C4orf50: variants seen among roughly 807,000 people sequenced by gnomAD.
C4orf50 encodes chromosome 4 open reading frame 50, also known as uncharacterized protein C4orf50.
A neutral mutation model predicts 77.2 loss-of-function variants in C4orf50; 80 were observed. The ratio of observed to expected loss-of-function variants is 1.04; its 90% confidence interval spans 0.87 to 1.25. The LOEUF (loss-of-function observed/expected upper bound fraction) is 1.25. C4orf50 is among the 50% of genes most tolerant of loss of function. C4orf50 has a pLI of 0.00. For synonymous variants in C4orf50, 532 were observed against 465.3 expected, an observed-to-expected ratio of 1.14 and a Z score of -1.84; for missense variants, 1,257 against 1,152.9, an observed-to-expected ratio of 1.09 and a Z score of -1.31.
intron 31 of C4orf50, among the ~76,000 whole-genome samples, chr4:5,971,327 C>T (rs990979789): frequency 5.9e-5 from 9 of 152,230 alleles, no homozygotes; most frequent in African/African-American, 1.9e-4. Context: ...GCCAGCGCCA[C>T]GCCCACCCTG....
intron 25 of C4orf50, among the ~76,000 whole-genome samples, chr4:5,997,321 C>T (rs192282850): frequency 5.9e-5 from 9 of 152,340 alleles, no homozygotes; most frequent in African/African-American, 1.9e-4. Flanking sequence ...GCTGGTGACA[C>T]GGCCACGTAT....
chr4:5,961,797 G>T (rs935633833), intron 33 of C4orf50, among the ~76,000 whole-genome samples: 8 of 151,812 alleles, frequency 5.3e-5, no homozygotes, highest in Non-Finnish European at 2.9e-5. Context: ...GGACATGTCT[G>T]TATACTCTAA....
At chr4:5,982,862 G>T (rs1030673754) in intron 28 of C4orf50, among the ~76,000 whole-genome samples, 1 of 152,104 alleles carries the variant, frequency 6.6e-6, no homozygotes. Flanking sequence ...GCAGGGAGAG[G>T]TGGATGAAGA....
rs1042151405 is a variant in C4orf50, at chr4:6,007,354, T to G, written c.963+642A>C. Among the ~76,000 whole-genome samples the G allele has an allele frequency of 2.0e-5, 3 of 152,022 alleles. No individual in the cohort carries two copies. The East Asian group carries it at 5.8e-4, about 29-fold the overall frequency. ...TTAGGTCCTGAGGGTGGAGGCTTCA[T>G]GAATGGTATTAGTACCCTTACTAAT... On this transcript the variant is annotated intron_variant, in intron 25 of 33. Transcript: ENST00000531445. The surrounding 1 kb of genome is among the most constrained non-coding windows in gnomAD (Gnocchi z 4.1).
At chr4:5,959,832 C>A (rs1180398806) in intron 33 of C4orf50, among the ~76,000 whole-genome samples, 1 of 152,222 alleles carries the variant, frequency 6.6e-6, no homozygotes, top group African/African-American at 2.4e-5. Flanking sequence ...TCACTGCGTT[C>A]TGGGTCAGAA....
At chr4:5,928,812 G>C (rs1184437723) in intron 7 of C4orf50, among the ~76,000 whole-genome samples, 2 of 152,116 alleles carry the variant, frequency 1.3e-5, no homozygotes, top group Non-Finnish European at 2.9e-5. Context: ...GATGTTTTAG[G>C]TATGCCTTAG....
intron 7 of C4orf50, among the ~76,000 whole-genome samples, chr4:5,918,396 C>T (rs1165802280): frequency 2.0e-5 from 3 of 152,202 alleles, no homozygotes; most frequent in Non-Finnish European, 4.4e-5. Flanking sequence ...CACTTCAGAA[C>T]CACATTCCTA....
At chr4:6,004,414 GTGA>G (rs1722138988) in intron 25 of C4orf50, among the ~76,000 whole-genome samples, 1 of 121,550 alleles carries the variant, frequency 8.2e-6, no homozygotes, top group African/African-American at 3.1e-5. Context: ...GGAGATGTTG[GTGA>G]TGATGGTGAT....
intron 29 of C4orf50, among the ~76,000 whole-genome samples, chr4:5,976,826 C>T (rs1720315079): frequency 6.6e-6 from 1 of 152,242 alleles, no homozygotes; most frequent in Non-Finnish European, 1.5e-5. Flanking sequence ...CAGATGAAAG[C>T]TGGACACAGA....
intron 31 of C4orf50, 57 bp from the exon 10 acceptor site, chr4:5,967,519 C>G: frequency 6.6e-7 from 1 of 1,518,382 alleles, no homozygotes; most frequent in East Asian, 2.3e-5. Flanking sequence ...GACAGCCTTG[C>G]ACAGAAGACT....
intron 31 of C4orf50, among the ~76,000 whole-genome samples, chr4:5,973,100 C>A (rs776367837): frequency 1.3e-5 from 2 of 152,336 alleles, no homozygotes; most frequent in African/African-American, 2.4e-5. Flanking sequence ...GGCTATGGAG[C>A]GGCTCTGGGC....
intron 25 of C4orf50, among the ~76,000 whole-genome samples, chr4:5,995,820 G>A (rs1265414946): frequency 1.3e-5 from 2 of 152,170 alleles, no homozygotes; most frequent in Admixed American, 6.5e-5. Flanking sequence ...CATTTATTAG[G>A]CTCCTGCTGT....
Position 5,916,030 on chromosome 4 carries a change from G to C in C4orf50, c.*2475-17842C>G, listed in dbSNP as rs1717015382. On this transcript the variant is annotated intron_variant, in intron 7 of 7. Coordinates refer to the C4orf50 transcript ENST00000324058. This position sits in a 1 kb window ranked among gnomAD's most constrained non-coding sequence, Gnocchi z 4.4. ...AACTGAAGTTGCCTGGGCAAAAATG[G>C]CACAGGAAGGCAAGGCTAGTCCTGT... Among the ~76,000 whole-genome samples, 1 of 152,218 alleles carries C rather than the reference G, an allele frequency of 6.6e-6. No individual in the cohort carries two copies. The highest frequency in any genetic ancestry group is 2.1e-4 in the South Asian group (1 of 4,824).
chr4:6,016,815 G>A (rs1722701552), intron 23 of C4orf50, among the ~76,000 whole-genome samples: 1 of 152,102 alleles, frequency 6.6e-6, no homozygotes, highest in Non-Finnish European at 1.5e-5. Context: ...TTTACCAAAA[G>A]GAAGAAAAGT....
At position 6,006,263 on chromosome 4, in the gene C4orf50, T is replaced by G. The variant is rs530949034; in HGVS notation, c.963+1733A>C. ...GGATTGTCCAGGTTTAAAGATAAAT[T>G]TTATTTCCAAAAAATGAGCACTCCT... On this transcript the variant is annotated intron_variant, in intron 25 of 33. Coordinates refer to ENST00000531445, the Ensembl canonical transcript of C4orf50. Among the ~76,000 whole-genome samples the G allele has an allele frequency of 2.6e-5, 4 of 152,290 alleles. No homozygotes were observed. The East Asian group carries it at 7.7e-4, about 29-fold the overall frequency.
chr4:5,911,403 T>A (rs1022413114), intron 7 of C4orf50, among the ~76,000 whole-genome samples: 1 of 152,168 alleles, frequency 6.6e-6, no homozygotes, highest in African/African-American at 2.4e-5. Context: ...ATGAGTGAAG[T>A]TACAATGAGA....
intron 7 of C4orf50, among the ~76,000 whole-genome samples, chr4:5,945,167 G>A (rs947374312): frequency 3.9e-5 from 6 of 152,166 alleles, no homozygotes; most frequent in Non-Finnish European, 7.3e-5. Flanking sequence ...CAGGTCCTCC[G>A]AGCCCCCCAG....
chr4:5,907,317 G>C (rs796170498), intron 7 of C4orf50, among the ~76,000 whole-genome samples: 1 of 151,968 alleles, frequency 6.6e-6, no homozygotes, highest in African/African-American at 2.4e-5. Flanking sequence ...AATCCATGTG[G>C]GACACTAAAA....
intron 7 of C4orf50, among the ~76,000 whole-genome samples, chr4:5,923,505 C>G (rs1258709941): frequency 6.6e-6 from 1 of 151,888 alleles, no homozygotes; most frequent in Non-Finnish European, 1.5e-5. Context: ...CTGGACCCCA[C>G]CCCACCAGCA....
Sources: gnomAD v4.1 joint callset for allele counts (sites outside exome capture counted in the v4.1 genomes callset) on GRCh38, gnomAD v4.1.1 for gene constraint, Gnocchi (gnomAD v3.1) non-coding constraint, MANE v1.5 for transcripts, NCBI Gene and HGNC (gene_info 2026-07-23, HGNC 2026-07-21) for gene names.